NEGR1: variants seen among roughly 807,000 people sequenced by gnomAD.
The protein encoded by NEGR1 is IgLON family member 4.
A neutral mutation model predicts 40.9 loss-of-function variants in NEGR1; 10 were observed. That is an observed-to-expected ratio of 0.24 (90% CI 0.15 to 0.42). The LOEUF is 0.42. Ranked by LOEUF, NEGR1 falls within the 10% of genes least tolerant of loss-of-function variation. The pLI is 1.00. For synonymous variants in NEGR1, 185 were observed against 166.8 expected (o/e 1.11, Z -0.84); for missense variants, 352 against 438.9 (o/e 0.80, Z 1.77).
chr1:72,212,692 T>A (rs933676698), intron 1 of NEGR1, among the ~76,000 whole-genome samples: 8 of 151,958 alleles, frequency 5.3e-5, no homozygotes, highest in Admixed American at 4.6e-4. Context: ...ATGTGGAAGA[T>A]AACAGTAGGA....
At chr1:72,096,345 A>G (rs1648696142) in intron 1 of NEGR1, among the ~76,000 whole-genome samples, 1 of 152,152 alleles carries the variant, frequency 6.6e-6, no homozygotes, top group Admixed American at 6.6e-5. Flanking sequence ...TTTATTACAT[A>G]AGAATCTCAA....
chr1:71,718,638 AC>A (rs1557626009), intron 3 of NEGR1, among the ~76,000 whole-genome samples: 1 of 152,078 alleles, frequency 6.6e-6, no homozygotes, highest in Non-Finnish European at 1.5e-5. Context: ...ATTTTGTTTT[AC>A]AAAGTTTAAA....
chr1:71,802,590 G>A (rs1239885320), intron 2 of NEGR1, among the ~76,000 whole-genome samples: 2 of 152,174 alleles, frequency 1.3e-5, no homozygotes, highest in Non-Finnish European at 2.9e-5. Context: ...AGTCATGGGG[G>A]CAGGATAATG....
intron 1 of NEGR1, among the ~76,000 whole-genome samples, chr1:72,060,955 A>C (rs1320337725): frequency 6.6e-6 from 1 of 151,616 alleles, no homozygotes; most frequent in East Asian, 1.9e-4. Flanking sequence ...CATATTCTGA[A>C]ATATTCGAAC....
At chr1:71,426,687 A>G (rs562420548) in intron 6 of NEGR1, among the ~76,000 whole-genome samples, 1 of 152,338 alleles carries the variant, frequency 6.6e-6, no homozygotes, top group African/African-American at 2.4e-5. Flanking sequence ...ATTTGTAAAC[A>G]CAAAAGCACT....
intron 6 of NEGR1, among the ~76,000 whole-genome samples, chr1:71,523,611 C>A (rs1348581464): frequency 6.6e-6 from 1 of 151,760 alleles, no homozygotes; most frequent in Non-Finnish European, 1.5e-5. Context: ...GGCTAGATGA[C>A]CAGGCAGAGT....
chr1:71,804,296 T>C (rs140672943), intron 2 of NEGR1, among the ~76,000 whole-genome samples: 117 of 152,346 alleles, frequency 7.7e-4, no homozygotes, highest in Middle Eastern at 3.4e-3. Flanking sequence ...ATGTGAATGT[T>C]GCAAGGTGAA....
At chr1:71,734,286 TC>T (rs1453142833) in intron 3 of NEGR1, among the ~76,000 whole-genome samples, 1 of 152,204 alleles carries the variant, frequency 6.6e-6, no homozygotes, top group Non-Finnish European at 1.5e-5. Flanking sequence ...CAGTTCAAAT[TC>T]TATCTTTATC....
At chr1:71,805,979 T>C (rs2101754547) in intron 2 of NEGR1, among the ~76,000 whole-genome samples, 1 of 152,332 alleles carries the variant, frequency 6.6e-6, no homozygotes, top group Non-Finnish European at 1.5e-5. Flanking sequence ...ATTCAGTGTG[T>C]GCAAAACATC....
chr1:71,834,137 C>A (rs1460468678), intron 2 of NEGR1, among the ~76,000 whole-genome samples: 2 of 152,042 alleles, frequency 1.3e-5, no homozygotes, highest in Non-Finnish European at 2.9e-5. Flanking sequence ...TACATTGATA[C>A]TGGTATTTGA....
intron 6 of NEGR1, among the ~76,000 whole-genome samples, chr1:71,530,666 A>G (rs1647331903): frequency 6.6e-6 from 1 of 151,380 alleles, no homozygotes; most frequent in Non-Finnish European, 1.5e-5. Flanking sequence ...TGTGGTGCTA[A>G]GAAATTCAAT....
intron 1 of NEGR1, among the ~76,000 whole-genome samples, chr1:72,141,063 G>A (rs886156464): frequency 5.3e-5 from 8 of 151,892 alleles, no homozygotes; most frequent in Non-Finnish European, 1.2e-4. Context: ...TCCTAAAACC[G>A]AAAAATGTAC....
chr1:72,041,955 AT>A (rs1248294418), intron 1 of NEGR1, among the ~76,000 whole-genome samples: 3 of 142,980 alleles, frequency 2.1e-5, no homozygotes, highest in Non-Finnish European at 4.6e-5. Flanking sequence ...AGTCTCAAAT[AT>A]ATATTATATA....
At chr1:71,601,607 C>T (rs1449304743) in intron 5 of NEGR1, among the ~76,000 whole-genome samples, 1 of 152,168 alleles carries the variant, frequency 6.6e-6, no homozygotes, top group Non-Finnish European at 1.5e-5. Context: ...CACATATATT[C>T]AGTGAAATAC....
chr1:71,914,546 G>A (rs1661517807), intron 2 of NEGR1, among the ~76,000 whole-genome samples: 1 of 152,084 alleles, frequency 6.6e-6, no homozygotes, highest in Non-Finnish European at 1.5e-5. Flanking sequence ...ATTTGCTGTT[G>A]TCACTCCCAT....
intron 1 of NEGR1, among the ~76,000 whole-genome samples, chr1:71,948,127 G>C (rs72935834): frequency 0.037 from 5,557 of 152,152 alleles, 341 homozygotes; most frequent in African/African-American, 0.13. Context: ...TCTATCTTGT[G>C]TAGATTTAAA....
At chr1:72,250,822 C>G (rs954241352) in intron 1 of NEGR1, among the ~76,000 whole-genome samples, 1 of 152,150 alleles carries the variant, frequency 6.6e-6, no homozygotes, top group Non-Finnish European at 1.5e-5. Flanking sequence ...TTTTCCCTGC[C>G]AGCAGCAATC....
At position 72,150,520 on chromosome 1, in the gene NEGR1, A is replaced by G. The variant is rs555966876; in HGVS notation, c.176+131799T>C. 1.2e-4 allele frequency among the ~76,000 whole-genome samples: 19 copies of G among 152,320 alleles called. 1 individual carries two copies. The South Asian group carries it at 3.7e-3, about 30-fold the overall frequency. On this transcript the variant is annotated intron_variant, in intron 1 of 6. Coordinates refer to ENST00000357731, the MANE Select transcript of NEGR1 (RefSeq NM_173808.3). The stretch of plus-strand genomic sequence containing the variant: ...ATGAGTTTACCTGGGATCTTAGCAA[A>G]TATTAAAGATGATACATGAAAATAC...
chr1:72,274,431 T>C, intron 1 of NEGR1: 1 of 514,604 alleles, frequency 1.9e-6, no homozygotes, highest in African/African-American at 1.9e-5. Flanking sequence ...AGAGGACAGA[T>C]GGCACACAAC....
Sources: gnomAD v4.1 joint callset for allele counts (sites outside exome capture counted in the v4.1 genomes callset) on GRCh38, gnomAD v4.1.1 for gene constraint, MANE v1.5 for transcripts, NCBI Gene and HGNC (gene_info 2026-07-23, HGNC 2026-07-21) for gene names.